Variants in EPB42 observed in about 807,000 individuals in gnomAD.
EPB42 encodes the protein protein 4.2.
EPB42 carries 49 observed loss-of-function variants against 76.9 expected under a neutral mutation model. The ratio of observed to expected loss-of-function variants is 0.64; its 90% CI spans 0.51 to 0.81. The LOEUF is 0.81. EPB42 is among the 30% of genes least tolerant of loss of function. The pLI is 0.00. For synonymous variants in EPB42, 310 were observed against 338.4 expected, an observed-to-expected ratio of 0.92 and a Z score of 0.92; for missense variants, 731 against 867.6, an observed-to-expected ratio of 0.84 and a Z score of 1.98.
intron 1 of EPB42, among the ~76,000 whole-genome samples, chr15:43,219,480 T>C (rs1254946425): frequency 6.6e-6 from 1 of 152,122 alleles, no homozygotes; most frequent in African/African-American, 2.4e-5. Flanking sequence ...ATGTCATGAG[T>C]TCATACTCAG....
In EPB42 at chr15:43,215,085, C is replaced by A; in HGVS notation, c.430+10G>T. ...CCATGCAGCCCAGGCTGGCCCAGGTCCAAACTTACCTCTATTCCAGGGGTT... is the reference window on the plus strand; with the variant it reads ...CCATGCAGCCCAGGCTGGCCCAGGTACAAACTTACCTCTATTCCAGGGGTT... On this transcript the variant is annotated intron_variant, in intron 3 of 12. Transcript: ENST00000441366. 2 of 1,612,708 alleles carry A rather than the reference C, an allele frequency of 1.2e-6. No homozygotes were observed. Among genetic ancestry groups the A allele is most frequent in the South Asian group, 2.2e-5 (2 of 90,870 alleles).
At chr15:43,223,914 A>G (rs1038035867), upstream of EPB42, among the ~76,000 whole-genome samples, 34 of 152,234 alleles carry the variant, frequency 2.2e-4, no homozygotes, top group Non-Finnish European at 3.4e-4. Context: ...TGGAGGTTGC[A>G]GTTAGCCAAG....
intron 3 of EPB42, among the ~76,000 whole-genome samples, chr15:43,213,051 A>G (rs978364707): frequency 6.6e-6 from 1 of 152,156 alleles, no homozygotes; most frequent in African/African-American, 2.4e-5. Context: ...TTACAGACCC[A>G]TATGCCCAAG....
chr15:43,219,167 T>C (rs1486327892), intron 1 of EPB42, among the ~76,000 whole-genome samples: 1 of 152,182 alleles, frequency 6.6e-6, no homozygotes, highest in Admixed American at 6.5e-5. Context: ...ACTGAGGTGA[T>C]GTCAGCAAGC....
chr15:43,209,356 G>A lies in EPB42; in HGVS notation c.750C>T (p.Pro250=), dbSNP rs780387518. 1.2e-6 allele frequency: 2 copies of A among 1,614,020 alleles called. No homozygotes were observed. Among genetic ancestry groups the A allele is most frequent in the African/African-American group, 1.3e-5 (1 of 74,950 alleles). Residue 250 remains proline, a synonymous_variant, in exon 6 of 13, where the codon CCC becomes CCT. Coordinates refer to ENST00000441366, the MANE Select transcript of EPB42 (RefSeq NM_001114134.2). ...GGCCGGTGAGCCACTGCCGCAGGAT[G>A]GGCACGCTGCCCCGGCGCTTGTTCA... ...ALLNKRRGSV[P]ILRQWLTGRG...
Position 43,220,586 on chromosome 15 carries a change from C to G in EPB42, c.10+230G>C, listed in dbSNP as rs75925428. 11,767 of 824,572 alleles carry G rather than the reference C, an allele frequency of 0.014. 837 individuals are homozygous for G. The African/African-American group carries it at 0.16, about 11-fold the overall frequency. The allele number at this position is 824,572 out of a possible 1,614,324, so 51.1% of individuals were successfully genotyped here. On this transcript the variant is annotated intron_variant, in intron 1 of 12. Coordinates refer to ENST00000441366, the MANE Select transcript of EPB42 (RefSeq NM_001114134.2). ...ACCTCCGCCTCCGCCTCCACCAGCA[C>G]CCATCATCACACCACGCTCCACAGC...
chr15:43,199,613 T>C (rs2042097337), intron 12 of EPB42, among the ~76,000 whole-genome samples: 1 of 152,096 alleles, frequency 6.6e-6, no homozygotes, highest in South Asian at 2.1e-4. Flanking sequence ...AGTTAAGACT[T>C]TGGGGAACTG....
rs1333626443 is a variant in EPB42 at position 43,207,415 on chromosome 15, C to T, written c.1102G>A (p.Val368Ile). Residue 368 changes from valine (V) to isoleucine (I), a missense_variant, in exon 9 of 13, where the codon GTC becomes ATC. By Grantham distance (29) the Val-to-Ile change is conservative. Transcript: ENST00000441366. ...AGCGTCCCCTCCTTGACTGCTCTGA[C>T]CGGCACCAGATCACAGGACCCCAGG... ...GVLGSCDLVP[V>I]RAVKEGTLGL... 1 of 1,614,030 alleles carries T rather than the reference C, an allele frequency of 6.2e-7. No individual in the cohort carries two copies. Among genetic ancestry groups the T allele is most frequent in the South Asian group, 1.1e-5 (1 of 91,084 alleles).
At position 43,206,596 on chromosome 15, in the gene EPB42, ACT is replaced by A. The variant is rs1178693606; in HGVS notation, c.1350_1351del (p.Arg450SerfsTer9). The stretch of plus-strand genomic sequence containing the variant: ...CTCACGTTCCATTTTCTCTTTCTCG[ACT>A]CTCTCCAGCACCTCTTTTTCCTGAA... On this transcript the variant is annotated frameshift_variant, in exon 10 of 13. Transcript: ENST00000441366. LOFTEE classifies it high-confidence loss of function. This position sits in a 1 kb window ranked among gnomAD's most constrained non-coding sequence, Gnocchi z 4.7. The A allele has an allele frequency of 1.9e-6, 3 of 1,613,722 alleles. No individual in the cohort carries two copies. The Admixed American group carries it at 5.0e-5, about 27-fold the overall frequency.
Position 43,206,683 on chromosome 15 carries a change from C to T in EPB42, c.1319-54G>A. On this transcript the variant is annotated intron_variant, in intron 9 of 12. Coordinates refer to ENST00000441366, the MANE Select transcript of EPB42 (RefSeq NM_001114134.2). This position sits in a 1 kb window ranked among gnomAD's most constrained non-coding sequence, Gnocchi z 4.7. ...TTTTACCCGGGTGGTATAAATGCTT[C>T]TAATAAAACCCTGGGAATCAAAACC... The T allele has an allele frequency of 6.3e-7, 1 of 1,599,272 alleles. No homozygotes were observed. The highest frequency in any genetic ancestry group is 1.7e-4 in the Middle Eastern group (1 of 5,906).
intron 1 of EPB42, among the ~76,000 whole-genome samples, chr15:43,217,287 T>C (rs2042393862): frequency 2.6e-5 from 4 of 152,168 alleles, no homozygotes. Context: ...CCACCAGCCA[T>C]GTGAAGATGT....
At chr15:43,223,159 T>C (rs1215227491), upstream of EPB42, among the ~76,000 whole-genome samples, 1 of 151,950 alleles carries the variant, frequency 6.6e-6, no homozygotes, top group Non-Finnish European at 1.5e-5. Flanking sequence ...CTACTAAAAA[T>C]ACAAAAAATT....
rs144065237 is a variant in EPB42 at position 43,210,622 on chromosome 15, T to G, written c.550-183A>C. Among the ~76,000 whole-genome samples the G allele has an allele frequency of 3.1e-3, 475 of 152,190 alleles. 1 individual carries two copies. The highest frequency in any genetic ancestry group is 0.014 in the Middle Eastern group (4 of 294). ...GGAGCTCTGGCTCCCTCCCCCAACC[T>G]CTCAATGGGACCTGGGTTCCTTTTC... On this transcript the variant is annotated intron_variant, in intron 4 of 12. Coordinates refer to ENST00000441366, the MANE Select transcript of EPB42 (RefSeq NM_001114134.2).
intron 11 of EPB42, among the ~76,000 whole-genome samples, chr15:43,202,458 C>A (rs1388303872): frequency 6.6e-6 from 1 of 152,134 alleles, no homozygotes; most frequent in Non-Finnish European, 1.5e-5. Flanking sequence ...TTTCAAGGCC[C>A]AGCATAGATG....
chr15:43,211,083 T>G (rs1478721674), intron 4 of EPB42, among the ~76,000 whole-genome samples: 1 of 151,934 alleles, frequency 6.6e-6, no homozygotes, highest in Non-Finnish European at 1.5e-5. Context: ...TGGTGAGGAG[T>G]TGGAACATGG....
Position 43,206,459 on chromosome 15 carries a change from G to A in EPB42, c.1489C>T (p.Leu497=), listed in dbSNP as rs1310450555. The A allele has an allele frequency of 1.2e-6, 2 of 1,614,224 alleles. No homozygotes were observed. Among genetic ancestry groups the A allele is most frequent in the Admixed American group, 3.3e-5 (2 of 60,028 alleles). Residue 497 remains leucine (L), a synonymous_variant, in exon 10 of 13, where the codon CTG becomes TTG. Transcript: ENST00000441366. This position sits in a 1 kb window ranked among gnomAD's most constrained non-coding sequence, Gnocchi z 4.7. ...LRGDAQISVT[L]VNHSEQEKAV... ...TTCTCCTGCTCACTGTGATTAACCAGCGTCACTGAGATCTGGGCATCCCCT... is the reference window on the plus strand; with the variant it reads ...TTCTCCTGCTCACTGTGATTAACCAACGTCACTGAGATCTGGGCATCCCCT...
chr15:43,205,214 A>C (rs1259630249), intron 10 of EPB42, among the ~76,000 whole-genome samples: 1 of 151,328 alleles, frequency 6.6e-6, no homozygotes, highest in African/African-American at 2.4e-5. Flanking sequence ...TTCTCACGCC[A>C]CTCTCCCAAC....
chr15:43,220,705 T>C (rs2042448068), intron 1 of EPB42, 111 bp downstream of exon 1: 2 of 1,011,610 alleles, frequency 2.0e-6, no homozygotes, highest in African/African-American at 1.9e-5. Context: ...ACCATAGTTA[T>C]ACCACCATCT....
chr15:43,204,329 ATGC>A (rs1020406366), intron 10 of EPB42, among the ~76,000 whole-genome samples: 3 of 151,726 alleles, frequency 2.0e-5, no homozygotes, highest in Non-Finnish European at 4.4e-5. Flanking sequence ...CGCCCCCTAA[ATGC>A]TGCTGCTGCT....
Sources: gnomAD v4.1 joint callset for allele counts (sites outside exome capture counted in the v4.1 genomes callset) on GRCh38, gnomAD v4.1.1 for gene constraint, Gnocchi (gnomAD v3.1) non-coding constraint, MANE v1.5 for transcripts, NCBI Gene and HGNC (gene_info 2026-07-23, HGNC 2026-07-21) for gene names.